The following PIN4 variants were observed in gnomAD, a reference collection of about 807,000 sequenced individuals.
The protein encoded by PIN4 is peptidylprolyl cis/trans isomerase, NIMA-interacting 4, also known as peptidyl-prolyl cis-trans isomerase NIMA-interacting 4.
In PIN4, 3 loss-of-function variants were observed where a neutral mutation model predicts 8.3. The observed-to-expected ratio is 0.36, with a 90% CI of 0.16 to 0.93. The LOEUF (loss-of-function observed/expected upper bound fraction) is 0.93, where lower values mean the gene tolerates loss of function less well. Ranked by LOEUF, PIN4 falls within the 40% of genes least tolerant of loss-of-function variation. The probability of loss-of-function intolerance (pLI) is 0.44; values close to 1 mark genes in which losing one functional copy is unlikely to be tolerated. For synonymous variants in PIN4, 18 were observed against 32.5 expected (o/e 0.55, Z 1.52); for missense variants, 75 against 100.6 (o/e 0.75, Z 1.09).
chrX:72,241,819 A>AAC (rs1276555364), intron 3 of PIN4, among the ~76,000 whole-genome samples: 1 of 109,662 alleles, frequency 9.1e-6, no homozygotes, highest in East Asian at 2.9e-4. Flanking sequence ...CTCCGTCTCA[A>AAC]AAAAAAAAAA....
intron 3 of PIN4, among the ~76,000 whole-genome samples, chrX:72,226,582 G>C (rs1370943922): frequency 8.9e-6 from 1 of 111,740 alleles, no homozygotes; most frequent in Non-Finnish European, 1.9e-5. Flanking sequence ...CTTACTAAAG[G>C]CAGCTTTACT....
intron 3 of PIN4, among the ~76,000 whole-genome samples, chrX:72,204,442 G>C (rs2042804440): frequency 8.9e-6 from 1 of 111,961 alleles, no homozygotes; most frequent in African/African-American, 3.2e-5. Context: ...TGAGTAAACA[G>C]TGTGTTATAC....
intron 3 of PIN4, among the ~76,000 whole-genome samples, chrX:72,232,065 C>T (rs1390961820): frequency 9.2e-6 from 1 of 108,783 alleles, no homozygotes; most frequent in East Asian, 2.9e-4. Context: ...GATGACAGAG[C>T]GAGACCCTGT....
chrX:72,192,783 G>C (rs767001440), intron 2 of PIN4, among the ~76,000 whole-genome samples: 4 of 110,033 alleles, frequency 3.6e-5, no homozygotes, highest in Non-Finnish European at 7.6e-5. Flanking sequence ...TTTTTGTAGA[G>C]ATGGGGGTCT....
chrX:72,222,362 G>A (rs1034098401), intron 3 of PIN4, among the ~76,000 whole-genome samples: 18 of 111,338 alleles, frequency 1.6e-4, no homozygotes, highest in African/African-American at 4.9e-4. Context: ...CTGGTGTTCA[G>A]CTGAAGCCCA....
intron 3 of PIN4, among the ~76,000 whole-genome samples, chrX:72,234,033 C>G (rs1434867666): frequency 9.1e-6 from 1 of 109,384 alleles, no homozygotes; most frequent in Non-Finnish European, 1.9e-5. Flanking sequence ...TCACTTGAAC[C>G]TGGGAGGCAG....
chrX:72,197,433 G>T lies in PIN4; in HGVS notation c.303G>T (p.Leu101Phe). ...CATTTCAAGAAGCAGCATTTGCCTT[G>T]CCTGTAAGTGGGATGGATAAGCCTG... is the stretch of plus-strand genomic sequence containing the variant. Reference protein sequence around the residue: ...VGPFQEAAFALPVSGMDKPVF... With the variant: ...VGPFQEAAFAFPVSGMDKPVF... The change falls in exon 4 of 4, where the codon TTG becomes TTT. Residue 101 changes from leucine to phenylalanine, a missense_variant. By Grantham distance (22) the Leu-to-Phe change is conservative. Coordinates refer to ENST00000373669, the MANE Select transcript of PIN4 (RefSeq NM_006223.4). 1 of 1,206,388 alleles carries T rather than the reference G, an allele frequency of 8.3e-7. No homozygotes were observed. The highest frequency in any genetic ancestry group is 3.0e-5 in the East Asian group (1 of 33,830).
At chrX:72,261,460 T>C (rs1411701277) in intron 3 of PIN4, among the ~76,000 whole-genome samples, 1 of 112,065 alleles carries the variant, frequency 8.9e-6, no homozygotes, top group Non-Finnish European at 1.9e-5. Context: ...GGAGTCCCTA[T>C]AAGCCTCGAT....
chrX:72,258,125 T>A (rs2043120719), intron 3 of PIN4, among the ~76,000 whole-genome samples: 1 of 110,379 alleles, frequency 9.1e-6, no homozygotes. Flanking sequence ...GGACAGGGTG[T>A]GGAGACTGTG....
At chrX:72,241,812 C>T (rs977003835) in intron 3 of PIN4, among the ~76,000 whole-genome samples, 9 of 80,135 alleles carry the variant, frequency 1.1e-4, no homozygotes, top group South Asian at 9.1e-4. Flanking sequence ...AGCGAAACTC[C>T]GTCTCAAAAA....
At chrX:72,242,439 T>A (rs2043052709) in intron 3 of PIN4, among the ~76,000 whole-genome samples, 1 of 111,801 alleles carries the variant, frequency 8.9e-6, no homozygotes, top group African/African-American at 3.3e-5. Flanking sequence ...AACCCAGGGC[T>A]CTGATGACCC....
chrX:72,219,327 G>T (rs1042089000), intron 3 of PIN4, among the ~76,000 whole-genome samples: 3 of 110,029 alleles, frequency 2.7e-5, no homozygotes, highest in Non-Finnish European at 5.7e-5. Context: ...GCCAAGGCGG[G>T]AGGATCACCT....
intron 3 of PIN4, among the ~76,000 whole-genome samples, chrX:72,242,258 A>T (rs1433600080): frequency 8.9e-6 from 1 of 112,407 alleles, no homozygotes; most frequent in Non-Finnish European, 1.9e-5. Context: ...AGGAAGGACC[A>T]ACACTCGGCT....
chrX:72,196,450 C>G (rs1179596633), intron 2 of PIN4, among the ~76,000 whole-genome samples: 2 of 108,535 alleles, frequency 1.8e-5, no homozygotes, highest in Non-Finnish European at 3.8e-5. Context: ...AGGAGAATTG[C>G]TTGAACCCGG....
At chrX:72,216,351 C>T (rs1289214318) in intron 3 of PIN4, among the ~76,000 whole-genome samples, 1 of 111,621 alleles carries the variant, frequency 9.0e-6, no homozygotes, top group Non-Finnish European at 1.9e-5. Flanking sequence ...AAAAAGAAAC[C>T]AACCCTGCTG....
chrX:72,238,764 C>T, intron 3 of PIN4: 20 of 977,293 alleles, frequency 2.0e-5, no homozygotes, highest in Non-Finnish European at 2.7e-5. Context: ...AGTTCGGGTC[C>T]CCAGGAGGAT....
Position 72,218,650 on chromosome X carries a change from T to A in PIN4, c.312+21746T>A, listed in dbSNP as rs959268655. 6.4e-5 allele frequency among the ~76,000 whole-genome samples: 7 copies of A among 110,150 alleles called. No homozygotes were observed. The South Asian group carries it at 1.2e-3, about 19-fold the overall frequency. On this transcript the variant is annotated intron_variant, in intron 3 of 3. Transcript: ENST00000423432. ...CTGGGATTATAGGCGTGCACCACCC[T>A]CACCTGGCTAATTTCTGTATTTTTA...
At chrX:72,222,595 CTTTTTT>C (rs758259884) in intron 3 of PIN4, among the ~76,000 whole-genome samples, 1 of 85,055 alleles carries the variant, frequency 1.2e-5, no homozygotes, top group African/African-American at 4.6e-5. Flanking sequence ...AGAATCCAGC[CTTTTTT>C]TTTTTTTTTT....
intron 1 of PIN4, among the ~76,000 whole-genome samples, chrX:72,185,162 AAAAAC>A (rs2042695687): frequency 9.6e-6 from 1 of 104,613 alleles, no homozygotes; most frequent in Admixed American, 1.0e-4. Flanking sequence ...AAAAAAAAAA[AAAAAC>A]AACTTTTCAA....
Sources: allele counts gnomAD v4.1 joint callset (sites outside exome capture counted in the v4.1 genomes callset), GRCh38; gene constraint gnomAD v4.1.1; transcripts MANE v1.5; gene names NCBI Gene and HGNC (gene_info 2026-07-23, HGNC 2026-07-21).